The following FN1 variants were observed in gnomAD, a reference collection of about 807,000 sequenced individuals.
FN1 encodes fibronectin.
In FN1, 106 loss-of-function variants were observed where a neutral mutation model predicts 297.3. The observed-to-expected ratio is 0.36, with a 90% CI of 0.30 to 0.42. The LOEUF (loss-of-function observed/expected upper bound fraction) is 0.42, where lower values mean the gene tolerates loss of function less well. Ranked by LOEUF, FN1 falls within the 10% of genes least tolerant of loss-of-function variation. The probability of loss-of-function intolerance (pLI) is 1.00; values close to 1 mark genes in which losing one functional copy is unlikely to be tolerated. For missense variants in FN1, 2,690 were observed against 3,124.9 expected, an observed-to-expected ratio of 0.86 and a Z score of 3.32; for synonymous variants, 1,149 against 1,152.6, an observed-to-expected ratio of 1.00 and a Z score of 0.06.
chr2:215,411,660 A>G (rs1342288359), intron 13 of FN1, among the ~76,000 whole-genome samples: 1 of 138,880 alleles, frequency 7.2e-6, no homozygotes, highest in Non-Finnish European at 1.5e-5. Flanking sequence ...TTCCAATTCA[A>G]TGTACTTTTT....
chr2:215,376,955 C>T (rs1320139289), intron 35 of FN1, among the ~76,000 whole-genome samples: 2 of 151,872 alleles, frequency 1.3e-5, no homozygotes, highest in South Asian at 2.1e-4. Flanking sequence ...TCTACAAATA[C>T]TTCAATAAAT....
chr2:215,411,288 C>T (rs1457463366), intron 13 of FN1, among the ~76,000 whole-genome samples: 1 of 152,216 alleles, frequency 6.6e-6, no homozygotes, highest in Non-Finnish European at 1.5e-5. Context: ...TGTAAATACT[C>T]TAAACTAATA....
In FN1 at chr2:215,408,376, G is replaced by A. The variant is rs2106284837; in HGVS notation, c.2350C>T (p.Arg784Ter). The A allele has an allele frequency of 1.2e-6, 2 of 1,613,988 alleles. No individual in the cohort carries two copies. Among genetic ancestry groups the A allele is most frequent in the Non-Finnish European group, 1.7e-6 (2 of 1,179,968 alleles). The change falls in exon 16 of 46, where the codon CGA (arginine) becomes TGA (stop). Residue 784 changes from arginine to a stop codon, truncating the protein, a stop_gained. Coordinates refer to ENST00000354785, the MANE Select transcript of FN1 (RefSeq NM_212482.4). LOFTEE classifies it high-confidence loss of function. ...TGATAGACATTTACAATGTATTTTC[G>A]GCCAGGAAGCAGGTCAGGGATGTTC... ...SVNIPDLLPG[R>*]KYIVNVYQIS...
chr2:215,383,623 A>G, intron 30 of FN1, 140 bp from the exon 31 acceptor site: 1 of 889,768 alleles, frequency 1.1e-6, no homozygotes, highest in Non-Finnish European at 1.8e-6. Context: ...GAATACAGAG[A>G]GAGCTTTTAG....
intron 7 of FN1, among the ~76,000 whole-genome samples, chr2:215,424,584 G>T (rs948496377): frequency 5.9e-5 from 9 of 152,144 alleles, no homozygotes; most frequent in Non-Finnish European, 1.2e-4. Context: ...TTCTCTATTT[G>T]TAAAGCTATA....
At chr2:215,385,864 G>A (rs775627270) in intron 28 of FN1, among the ~76,000 whole-genome samples, 26 of 143,622 alleles carry the variant, frequency 1.8e-4, no homozygotes, top group Non-Finnish European at 3.0e-4. Flanking sequence ...TGCAACCTCC[G>A]CCTCCTGGGT....
intron 35 of FN1, 58 bp from the exon 36 acceptor site, chr2:215,376,732 G>A: frequency 6.5e-7 from 1 of 1,536,246 alleles, no homozygotes; most frequent in African/African-American, 1.4e-5. Context: ...GTAAAGTTTT[G>A]GTATTTTAAA....
Position 215,410,110 on chromosome 2 carries a change from T to C in FN1, c.1946A>G (p.Asn649Ser), listed in dbSNP as rs763930970. The change falls in exon 14 of 46, where the codon AAT (asparagine) becomes AGT (serine). Residue 649 changes from asparagine to serine, a missense_variant. Transcript: ENST00000354785. ...AGCTTCCTTCCAACGGCCTACAGAA[T>C]TTTTCTGAAAATTTAAATTAACACA... Reference protein sequence around the residue: ...SKYILRWRPKNSVGRWKEATI... With the variant: ...SKYILRWRPKSSVGRWKEATI... 7 of 1,599,634 alleles carry C rather than the reference T, an allele frequency of 4.4e-6. No individual in the cohort carries two copies. The South Asian group carries it at 7.8e-5, about 18-fold the overall frequency.
At chr2:215,418,029 ATATACT>A (rs1207705287) in intron 12 of FN1, among the ~76,000 whole-genome samples, 4 of 152,214 alleles carry the variant, frequency 2.6e-5, no homozygotes, top group East Asian at 1.9e-4. Context: ...CAAACCATTC[ATATACT>A]TATAGTACTT....
At chr2:215,401,876 T>C (rs751965639) in intron 20 of FN1, among the ~76,000 whole-genome samples, 4 of 152,110 alleles carry the variant, frequency 2.6e-5, no homozygotes, top group Admixed American at 6.6e-5. Flanking sequence ...AATGGCTGAA[T>C]TGAGGTACTA....
In FN1 at chr2:215,422,134, A is replaced by G; in HGVS notation, c.1503T>C (p.Asn501=). 1.9e-6 allele frequency: 3 copies of G among 1,614,192 alleles called. No individual in the cohort carries two copies. Among genetic ancestry groups the G allele is most frequent in the Non-Finnish European group, 2.5e-6 (3 of 1,180,028 alleles). ...CAATGCATGTCCATTCCCCACGACC[A>G]TTCCCAACACACGTGCACCTCATCA... ...GHMMRCTCVG[N]GRGEWTCIAY... is the part of the protein sequence containing the mutation. Residue 501 remains asparagine, a synonymous_variant, in exon 10 of 46, where the codon AAT becomes AAC. Transcript: ENST00000354785.
In FN1 at chr2:215,364,914, C is replaced by T; in HGVS notation, c.7216G>A (p.Ala2406Thr). 6.4e-7 allele frequency: 1 copy of T among 1,571,220 alleles called. No homozygotes were observed. Among genetic ancestry groups the T allele is most frequent in the Non-Finnish European group, 8.6e-7 (1 of 1,157,118 alleles). The stretch of plus-strand genomic sequence containing the variant: ...CCAAAGCATGTGCAGGAGCAAATGG[C>T]ACCGAGATATTCCTTCTGCCACTGT... The part of the protein sequence containing the change: ...GEQWQKEYLG[A>T]ICSCTCFGGQ... Residue 2406 changes from alanine (A) to threonine (T), a missense_variant, in exon 44 of 46, where the codon GCC becomes ACC. Ala to Thr is a moderately conservative substitution (Grantham distance 58, BLOSUM62 0). Transcript: ENST00000354785.
At chr2:215,368,165 T>C (rs889451353) in intron 41 of FN1, 138 bp from the exon 42 acceptor site, 84 of 944,318 alleles carry the variant, frequency 8.9e-5, no homozygotes, top group Non-Finnish European at 1.2e-4. Flanking sequence ...ATTCATCTGT[T>C]CTATCAAGGC....
intron 13 of FN1, 120 bp downstream of exon 13, chr2:215,414,717 G>A: frequency 6.7e-7 from 1 of 1,496,824 alleles, no homozygotes; most frequent in South Asian, 1.4e-5. Context: ...AACAAATATA[G>A]TAAATGCTAT....
At chr2:215,384,825 T>A in intron 29 of FN1, 35 bp downstream of exon 29, 1 of 1,341,052 alleles carries the variant, frequency 7.5e-7, no homozygotes, top group Non-Finnish European at 1.1e-6. Context: ...GAATCTGATT[T>A]AATCAGAGTG....
At chr2:215,413,244 G>C (rs1225215566) in intron 13 of FN1, among the ~76,000 whole-genome samples, 1 of 152,074 alleles carries the variant, frequency 6.6e-6, no homozygotes. Context: ...CTCAGCTCCT[G>C]AGGAGCTGGG....
intron 26 of FN1, 90 bp from the exon 27 acceptor site, chr2:215,388,391 T>C (rs767638588): frequency 2.1e-4 from 187 of 907,268 alleles, no homozygotes; most frequent in Non-Finnish European, 3.1e-4. Context: ...TGATGAAATA[T>C]CCAAATGTCC....
intron 19 of FN1, 27 bp from the exon 20 acceptor site, chr2:215,404,682 G>A: frequency 1.3e-6 from 2 of 1,599,006 alleles, no homozygotes; most frequent in Non-Finnish European, 1.7e-6. Flanking sequence ...AACATGCCAA[G>A]AAATATTTAG....
intron 34 of FN1, among the ~76,000 whole-genome samples, 186 bp downstream of exon 34, chr2:215,378,944 C>G (rs1009965212): frequency 5.9e-5 from 9 of 152,076 alleles, no homozygotes; most frequent in African/African-American, 1.7e-4. Context: ...AAATTCTGTC[C>G]CAATAGTCAT....
Sources: allele counts gnomAD v4.1 joint callset (sites outside exome capture counted in the v4.1 genomes callset), GRCh38; gene constraint gnomAD v4.1.1; transcripts MANE v1.5; gene names NCBI Gene and HGNC (gene_info 2026-07-23, HGNC 2026-07-21).